The following DROSHA variants were observed in gnomAD, a reference collection of about 807,000 sequenced individuals.
DROSHA encodes the protein ribonuclease 3.
A neutral mutation model predicts 181.9 loss-of-function variants in DROSHA; 56 were observed. The ratio of observed to expected loss-of-function variants is 0.31; its 90% CI spans 0.25 to 0.38. DROSHA has a LOEUF of 0.38. DROSHA is among the 10% of genes least tolerant of loss of function. The pLI is 1.00. For synonymous variants in DROSHA, 524 were observed against 591.2 expected, an observed-to-expected ratio of 0.89 and a Z score of 1.65; for missense variants, 1,218 against 1,743.5, an observed-to-expected ratio of 0.70 and a Z score of 5.37.
At chr5:31,438,750 G>T (rs943761385) in intron 23 of DROSHA, among the ~76,000 whole-genome samples, 1 of 152,020 alleles carries the variant, frequency 6.6e-6, no homozygotes, top group African/African-American at 2.4e-5. Context: ...TTCAGGTGAT[G>T]AATTATATGA....
At chr5:31,495,515 G>C (rs1300024220) in intron 11 of DROSHA, 143 bp from the exon 12 acceptor site, 1 of 760,330 alleles carries the variant, frequency 1.3e-6, no homozygotes, top group Non-Finnish European at 2.0e-6. Flanking sequence ...GAACAGTATT[G>C]GCTTTGCCAT....
At chr5:31,471,583 AAAG>A (rs1422757594) in intron 17 of DROSHA, among the ~76,000 whole-genome samples, 1 of 152,144 alleles carries the variant, frequency 6.6e-6, no homozygotes, top group South Asian at 2.1e-4. Flanking sequence ...GATCAATAAA[AAAG>A]AAGGCTACAA....
At chr5:31,503,701 T>C (rs1429559897) in intron 11 of DROSHA, among the ~76,000 whole-genome samples, 3 of 152,200 alleles carry the variant, frequency 2.0e-5, no homozygotes, top group African/African-American at 7.2e-5. Flanking sequence ...TCACAGGTGT[T>C]GATCCCTCGT....
chr5:31,447,040 GA>G (rs1201012759), intron 23 of DROSHA, among the ~76,000 whole-genome samples: 3 of 148,134 alleles, frequency 2.0e-5, no homozygotes, highest in African/African-American at 7.4e-5. Context: ...ATACTGTCTC[GA>G]AAAAAAAAAT....
At chr5:31,441,356 A>C (rs1387955727) in intron 23 of DROSHA, among the ~76,000 whole-genome samples, 2 of 152,138 alleles carry the variant, frequency 1.3e-5, no homozygotes, top group East Asian at 1.9e-4. Context: ...AGCTGCGGTG[A>C]GTTATGATTG....
intron 15 of DROSHA, among the ~76,000 whole-genome samples, chr5:31,484,209 A>C (rs1377386440): frequency 6.6e-6 from 1 of 151,920 alleles, no homozygotes; most frequent in Non-Finnish European, 1.5e-5. Flanking sequence ...GTCTCTACTA[A>C]AAATACAAAA....
At chr5:31,511,004 G>T (rs371603848) in intron 9 of DROSHA, 31 bp downstream of exon 9, 2 of 1,611,526 alleles carry the variant, frequency 1.2e-6, no homozygotes, top group East Asian at 2.2e-5. Context: ...TAATCGCAAG[G>T]GTCTCAGGCT....
At chr5:31,493,602 T>C (rs571882501) in intron 12 of DROSHA, among the ~76,000 whole-genome samples, 5 of 152,342 alleles carry the variant, frequency 3.3e-5, no homozygotes, top group African/African-American at 1.2e-4. Context: ...CTGTTCTTAA[T>C]GAACTATGTT....
rs1230622839 is a variant in DROSHA at position 31,526,123 on chromosome 5, G to A, written c.810C>T (p.Asp270=). 1 of 1,610,554 alleles carries A rather than the reference G, an allele frequency of 6.2e-7. No individual in the cohort carries two copies. The highest frequency in any genetic ancestry group is 1.7e-5 in the Admixed American group (1 of 59,928). Residue 270 remains aspartate, a synonymous_variant, in exon 5 of 36, where the codon GAC becomes GAT. Transcript: ENST00000344624. Reference sequence around the variant, plus strand: ...GGTGGCGAGATGGTGTTCTCCCTCGGTCATAATCAGATCTGTACCGGCTGT... The same window carrying A: ...GGTGGCGAGATGGTGTTCTCCCTCGATCATAATCAGATCTGTACCGGCTGT... ...RQDSRYRSDY[D]RGRTPSRHRS...
At chr5:31,476,039 T>A (rs1226043947) in intron 16 of DROSHA, among the ~76,000 whole-genome samples, 1 of 152,212 alleles carries the variant, frequency 6.6e-6, no homozygotes, top group Non-Finnish European at 1.5e-5. Flanking sequence ...ATAGATACTG[T>A]CCAATTTAGG....
At position 31,504,693 on chromosome 5, in the gene DROSHA, G is replaced by A. The variant is rs562049939; in HGVS notation, c.1588-58C>T. The A allele has an allele frequency of 2.9e-5, 46 of 1,576,636 alleles. No individual in the cohort carries two copies. In the African/African-American group the frequency reaches 5.1e-4, roughly 18 times the overall value. ...GGAGGGAAAAATCCACACCATGCACGGTGATGCCTCCGAAAATGCGTGGGT... is the reference window on the plus strand; with the variant it reads ...GGAGGGAAAAATCCACACCATGCACAGTGATGCCTCCGAAAATGCGTGGGT... On this transcript the variant is annotated intron_variant, in intron 10 of 35. Transcript: ENST00000344624.
intron 23 of DROSHA, among the ~76,000 whole-genome samples, chr5:31,445,321 C>A (rs1461137928): frequency 1.3e-5 from 2 of 152,160 alleles, no homozygotes; most frequent in East Asian, 3.8e-4. Flanking sequence ...CAGACCTAGG[C>A]CATTCCATTC....
intron 12 of DROSHA, among the ~76,000 whole-genome samples, chr5:31,493,936 ATTGTGTGTGT>A (rs1450727742): frequency 3.5e-4 from 45 of 127,710 alleles, no homozygotes; most frequent in East Asian, 2.7e-3. Context: ...ATAACCCACC[ATTGTGTGTGT>A]GTGTGTGTGT....
chr5:31,505,105 A>T (rs1737769367), intron 10 of DROSHA, among the ~76,000 whole-genome samples: 1 of 152,228 alleles, frequency 6.6e-6, no homozygotes, highest in South Asian at 2.1e-4. Context: ...TACTAAAGCC[A>T]GAAGAACTTC....
intron 14 of DROSHA, 30 bp downstream of exon 14, chr5:31,486,461 C>A: frequency 6.2e-7 from 1 of 1,606,464 alleles, no homozygotes; most frequent in South Asian, 1.1e-5. Context: ...GAGCAAACTA[C>A]ATCAAACCAC....
chr5:31,500,986 T>C (rs1354825987), intron 11 of DROSHA, among the ~76,000 whole-genome samples: 2 of 152,340 alleles, frequency 1.3e-5, no homozygotes, highest in East Asian at 1.9e-4. Context: ...AGTCACACTA[T>C]TCCTTGCCCA....
intron 23 of DROSHA, among the ~76,000 whole-genome samples, chr5:31,441,881 T>A (rs764491563): frequency 6.6e-6 from 1 of 152,212 alleles, no homozygotes; most frequent in Non-Finnish European, 1.5e-5. Flanking sequence ...AGAAAAATCT[T>A]CACATGGAAA....
intron 17 of DROSHA, 114 bp downstream of exon 17, chr5:31,471,949 C>A (rs1288865365): frequency 4.1e-6 from 4 of 976,606 alleles, no homozygotes; most frequent in African/African-American, 1.7e-5. Context: ...TATCCAAGGA[C>A]AAGAGCAGTG....
chr5:31,451,031 G>A (rs1399821348), intron 21 of DROSHA, among the ~76,000 whole-genome samples: 3 of 152,052 alleles, frequency 2.0e-5, no homozygotes, highest in Admixed American at 6.6e-5. Flanking sequence ...GCAAAAGCCC[G>A]TCTCTACTAA....
Sources: gnomAD v4.1 joint callset for allele counts (sites outside exome capture counted in the v4.1 genomes callset) on GRCh38, gnomAD v4.1.1 for gene constraint, MANE v1.5 for transcripts, NCBI Gene and HGNC (gene_info 2026-07-23, HGNC 2026-07-21) for gene names.